The following THOC7 variants were observed in gnomAD, a reference collection of about 807,000 sequenced individuals.
THOC7 encodes NIF3L1-binding protein 1.
THOC7 carries 22 observed loss-of-function variants against 33.1 expected under a neutral mutation model. The ratio of observed to expected loss-of-function variants is 0.66; its 90% CI spans 0.47 to 0.95. The LOEUF is 0.95. Ranked by LOEUF, THOC7 falls within the 40% of genes least tolerant of loss-of-function variation. The pLI is 0.00. For synonymous variants in THOC7, 77 were observed against 76.8 expected, an observed-to-expected ratio of 1.00 and a Z score of -0.01; for missense variants, 184 against 245.3, an observed-to-expected ratio of 0.75 and a Z score of 1.67.
chr3:63,838,773 G>T (rs975584759), intron 2 of THOC7, among the ~76,000 whole-genome samples: 18 of 152,084 alleles, frequency 1.2e-4, no homozygotes, highest in African/African-American at 4.1e-4. Context: ...TTGTTTAAAA[G>T]ACTTTAGAAA....
At chr3:63,835,068 C>T in intron 7 of THOC7, 86 bp downstream of exon 7, 1 of 1,344,826 alleles carries the variant, frequency 7.4e-7, no homozygotes, top group Non-Finnish European at 1.0e-6. Flanking sequence ...TATACTGTCT[C>T]TCCAAGATGT....
chr3:63,854,973 A>G (rs1395054140), intron 1 of THOC7, among the ~76,000 whole-genome samples: 1 of 150,970 alleles, frequency 6.6e-6, no homozygotes, highest in African/African-American at 2.4e-5. Context: ...CCGCCACTGC[A>G]CTCCAGCCTG....
chr3:63,850,065 A>G (rs548458228), intron 1 of THOC7, among the ~76,000 whole-genome samples: 2 of 152,348 alleles, frequency 1.3e-5, no homozygotes, highest in South Asian at 4.1e-4. Flanking sequence ...CATTGGAATA[A>G]GACTCCCCAT....
intron 1 of THOC7, among the ~76,000 whole-genome samples, chr3:63,842,018 C>T (rs1701770845): frequency 6.6e-6 from 1 of 152,106 alleles, no homozygotes; most frequent in Admixed American, 6.6e-5. Flanking sequence ...AGGAAAACAA[C>T]ATCTAAGGCA....
chr3:63,852,258 G>A (rs1397929738), intron 1 of THOC7, among the ~76,000 whole-genome samples: 1 of 152,106 alleles, frequency 6.6e-6, no homozygotes, highest in Non-Finnish European at 1.5e-5. Context: ...CCCGTCAAAG[G>A]GGCACAAGGA....
chr3:63,842,020 T>A (rs936661372), intron 1 of THOC7, among the ~76,000 whole-genome samples: 3 of 152,096 alleles, frequency 2.0e-5, no homozygotes, highest in African/African-American at 7.2e-5. Context: ...GAAAACAACA[T>A]CTAAGGCAAC....
chr3:63,838,098 A>G (rs770956644), intron 3 of THOC7, 36 bp from the exon 4 acceptor site: 2 of 1,516,520 alleles, frequency 1.3e-6, no homozygotes, highest in Admixed American at 4.2e-5. Context: ...TAGTTGTAAC[A>G]AAATCAATAA....
intron 2 of THOC7, among the ~76,000 whole-genome samples, chr3:63,839,418 T>C (rs1201789466): frequency 6.6e-6 from 1 of 152,202 alleles, no homozygotes; most frequent in African/African-American, 2.4e-5. Flanking sequence ...ACCAAACTAA[T>C]GAGTCTGAAT....
upstream of THOC7, chr3:63,863,927 C>T (rs1024662087): frequency 1.3e-6 from 1 of 741,668 alleles, no homozygotes; most frequent in Non-Finnish European, 1.7e-6. Context: ...GCCGCCTGCT[C>T]CGACGCCTGA....
At chr3:63,845,101 T>C in intron 1 of THOC7, 1 of 691,724 alleles carries the variant, frequency 1.4e-6, no homozygotes, top group Non-Finnish European at 2.6e-6. Context: ...AACCTTCTTT[T>C]CTGGGGGTGG....
chr3:63,835,064 G>A (rs1236716874), intron 7 of THOC7, 90 bp downstream of exon 7: 4 of 1,280,934 alleles, frequency 3.1e-6, no homozygotes, highest in Middle Eastern at 2.0e-4. Flanking sequence ...AAGGTATACT[G>A]TCTCTCCAAG....
intron 1 of THOC7, chr3:63,861,452 C>T (rs1397477582): frequency 6.6e-6 from 1 of 152,232 alleles, no homozygotes; most frequent in Non-Finnish European, 1.5e-5. Flanking sequence ...CACAAATTTC[C>T]CTATTTCCCT....
rs1248411536 is a variant in THOC7, at chr3:63,837,202, T to A, written c.352+774A>T. Among the ~76,000 whole-genome samples the A allele has an allele frequency of 3.3e-5, 5 of 152,020 alleles. No homozygotes were observed. The East Asian group carries it at 9.6e-4, about 29-fold the overall frequency. On this transcript the variant is annotated intron_variant, in intron 4 of 7. Transcript: ENST00000295899. Reference sequence around the variant, plus strand: ...ATTACAAAATAATACATGCCCTATGTAAAACAAAACAAAACAACACAAAAA... The same window carrying A: ...ATTACAAAATAATACATGCCCTATGAAAAACAAAACAAAACAACACAAAAA...
chr3:63,858,774 G>T (rs1201419924), intron 1 of THOC7, among the ~76,000 whole-genome samples: 1 of 152,212 alleles, frequency 6.6e-6, no homozygotes, highest in East Asian at 1.9e-4. Context: ...AAATGGCTTT[G>T]TCACAAACTA....
intron 1 of THOC7, chr3:63,861,500 C>T (rs572706582): frequency 1.7e-4 from 26 of 152,360 alleles, no homozygotes; most frequent in Admixed American, 1.1e-3. Context: ...TGGTCACAGT[C>T]CTCATTGTCT....
chr3:63,838,110 C>G (rs376464659), intron 3 of THOC7, 48 bp from the exon 4 acceptor site: 6 of 1,485,742 alleles, frequency 4.0e-6, no homozygotes, highest in Non-Finnish European at 5.5e-6. Context: ...AATCAATAAT[C>G]CATTTTTAAT....
At chr3:63,834,550 C>T (rs1368535747) in intron 7 of THOC7, among the ~76,000 whole-genome samples, 1 of 151,558 alleles carries the variant, frequency 6.6e-6, no homozygotes, top group African/African-American at 2.4e-5. Flanking sequence ...ATTCCAGCTA[C>T]TAGGGAGGCT....
chr3:63,854,358 AAT>A (rs1405440595), intron 1 of THOC7, among the ~76,000 whole-genome samples: 2 of 152,186 alleles, frequency 1.3e-5, no homozygotes, highest in Non-Finnish European at 2.9e-5. Flanking sequence ...ACACACTTAA[AAT>A]ATGTTTTGTT....
chr3:63,841,713 A>C (rs892336990), intron 1 of THOC7, among the ~76,000 whole-genome samples: 1 of 152,240 alleles, frequency 6.6e-6, no homozygotes, highest in Admixed American at 6.5e-5. Flanking sequence ...TCGGTTTTTT[A>C]ACCACCAACA....
Sources: gnomAD v4.1 joint callset for allele counts (sites outside exome capture counted in the v4.1 genomes callset) on GRCh38, gnomAD v4.1.1 for gene constraint, MANE v1.5 for transcripts, NCBI Gene and HGNC (gene_info 2026-07-23, HGNC 2026-07-21) for gene names.